ARHGAP20: variants seen among roughly 807,000 people sequenced by gnomAD.
ARHGAP20 encodes the protein rho GTPase-activating protein 20.
In ARHGAP20, 34 loss-of-function variants were observed where a neutral mutation model predicts 73.7. That is an observed-to-expected ratio of 0.46 (90% confidence interval 0.35 to 0.61). ARHGAP20 has a LOEUF of 0.61. Among genes scored for constraint, ARHGAP20 ranks in the 20% least tolerant of loss-of-function variants. The probability of loss-of-function intolerance (pLI) is 0.00; values close to 1 mark genes in which losing one functional copy is unlikely to be tolerated. For missense variants in ARHGAP20, 1,314 were observed against 1,420.9 expected, an observed-to-expected ratio of 0.92 and a Z score of 1.21; for synonymous variants, 523 against 518.2, an observed-to-expected ratio of 1.01 and a Z score of -0.13.
chr11:110,614,752 A>G, intron 5 of ARHGAP20, 107 bp from the exon 6 acceptor site: 2 of 713,284 alleles, frequency 2.8e-6, no homozygotes, highest in Non-Finnish European at 2.2e-6. Context: ...ATATACTTAT[A>G]TGCTATTTTT....
In ARHGAP20 at chr11:110,624,282, T is replaced by A; in HGVS notation, c.383A>T (p.Lys128Ile). 1 of 1,593,420 alleles carries A rather than the reference T, an allele frequency of 6.3e-7. No individual in the cohort carries two copies. The highest frequency in any genetic ancestry group is 8.5e-7 in the Non-Finnish European group (1 of 1,170,410). The part of the protein sequence containing the change: ...KYNNNFKIKN[K>I]IKLTDMWTAS... Reference sequence around the variant, plus strand: ...TGTCCACATATCAGTTAATTTAATTTTATTTTTTATCTTAAAGTTATTGTT... The same window carrying A: ...TGTCCACATATCAGTTAATTTAATTATATTTTTTATCTTAAAGTTATTGTT... The change falls in exon 4 of 15, where the codon AAA (lysine) becomes ATA (isoleucine). Residue 128 changes from lysine to isoleucine, a missense_variant. By Grantham distance (102) the Lys-to-Ile change is moderately radical. Coordinates refer to ENST00000683387, the MANE Select transcript of ARHGAP20 (RefSeq NM_001384657.1).
chr11:110,642,827 C>T (rs563505807), intron 2 of ARHGAP20, among the ~76,000 whole-genome samples: 6 of 152,184 alleles, frequency 3.9e-5, no homozygotes, highest in South Asian at 4.1e-4. Flanking sequence ...CCCTCCTCCT[C>T]GACTTTTTAG....
intron 13 of ARHGAP20, among the ~76,000 whole-genome samples, chr11:110,583,147 T>A (rs1165394072): frequency 1.3e-5 from 2 of 152,228 alleles, no homozygotes; most frequent in Non-Finnish European, 2.9e-5. Context: ...ACTACTGTAT[T>A]ATCACCGACT....
chr11:110,699,907 T>C (rs1418532265), intron 1 of ARHGAP20, among the ~76,000 whole-genome samples: 2 of 152,012 alleles, frequency 1.3e-5, no homozygotes, highest in African/African-American at 4.8e-5. Flanking sequence ...AAGGTAGTAA[T>C]ACAAGTGTGC....
chr11:110,584,591 T>C (rs1456289969), intron 12 of ARHGAP20, among the ~76,000 whole-genome samples: 2 of 152,102 alleles, frequency 1.3e-5, no homozygotes, highest in Non-Finnish European at 2.9e-5. Context: ...TTACTGGGTG[T>C]ATTCAATGGA....
At chr11:110,646,183 T>C (rs758541287) in intron 2 of ARHGAP20, among the ~76,000 whole-genome samples, 7 of 152,178 alleles carry the variant, frequency 4.6e-5, no homozygotes, top group Non-Finnish European at 7.4e-5. Flanking sequence ...GTATTATACA[T>C]ACAAATTACA....
At chr11:110,691,734 C>T (rs534311244) in intron 1 of ARHGAP20, among the ~76,000 whole-genome samples, 23 of 152,206 alleles carry the variant, frequency 1.5e-4, no homozygotes, top group African/African-American at 5.3e-4. Flanking sequence ...GGGATCTCTC[C>T]CAAATTATTG....
rs1947335559 is a variant in ARHGAP20 at position 110,578,068 on chromosome 11, C to G, written c.*1302G>C. 1.0e-6 allele frequency: 1 copy of G among 985,278 alleles called. No individual in the cohort carries two copies. Among genetic ancestry groups the G allele is most frequent in the Non-Finnish European group, 1.2e-6 (1 of 829,944 alleles). 61.0% of individuals were successfully genotyped at this position (985,278 alleles called of 1,614,324 possible). A position where few individuals can be genotyped will look rare whatever the true frequency, so the allele number is the denominator to read the frequency against. On this transcript the variant is annotated 3_prime_UTR_variant, in exon 15 of 15. Coordinates refer to ENST00000683387, the MANE Select transcript of ARHGAP20 (RefSeq NM_001384657.1). ...TGCACATCCATTTTTAGTGCCATCCCTGCATACTAGTTGGCAAGGCCTGAT... is the reference window on the plus strand; with the variant it reads ...TGCACATCCATTTTTAGTGCCATCCGTGCATACTAGTTGGCAAGGCCTGAT...
intron 6 of ARHGAP20, among the ~76,000 whole-genome samples, chr11:110,613,115 C>A (rs1415051702): frequency 6.6e-6 from 1 of 152,184 alleles, no homozygotes; most frequent in Non-Finnish European, 1.5e-5. Flanking sequence ...TAATACTAGG[C>A]ACATATGTTC....
chr11:110,592,158 A>G lies in ARHGAP20; in HGVS notation c.965-3T>C, dbSNP rs1041568764. The G allele has an allele frequency of 1.5e-5, 24 of 1,609,084 alleles. No individual in the cohort carries two copies. Among genetic ancestry groups the G allele is most frequent in the Non-Finnish European group, 2.0e-5 (23 of 1,176,898 alleles). ...TTTAAATGTCTTATGACCTGAATCT[A>G]AGGAAGAAGTGAGCTTATTAGAAAA... On this transcript the variant is annotated splice_region_variant and splice_polypyrimidine_tract_variant and intron_variant, in intron 9 of 14. Coordinates refer to ENST00000683387, the MANE Select transcript of ARHGAP20 (RefSeq NM_001384657.1).
intron 2 of ARHGAP20, among the ~76,000 whole-genome samples, chr11:110,665,867 T>C (rs987987734): frequency 2.0e-5 from 3 of 152,098 alleles, no homozygotes; most frequent in African/African-American, 4.8e-5. Context: ...ACCTAATGAA[T>C]ATAAGGCAAA....
At chr11:110,617,696 C>T (rs1948514262) in intron 4 of ARHGAP20, among the ~76,000 whole-genome samples, 1 of 152,138 alleles carries the variant, frequency 6.6e-6, no homozygotes, top group Non-Finnish European at 1.5e-5. Flanking sequence ...CCCTTTCCCC[C>T]CTGCTCTATA....
intron 1 of ARHGAP20, chr11:110,711,553 G>T: frequency 4.4e-6 from 6 of 1,373,790 alleles, no homozygotes; most frequent in Non-Finnish European, 5.7e-6. Flanking sequence ...GGTGTGGGGG[G>T]CAGTACTCCC....
chr11:110,708,408 A>G (rs755728372), intron 1 of ARHGAP20, among the ~76,000 whole-genome samples: 13 of 152,002 alleles, frequency 8.6e-5, no homozygotes, highest in Non-Finnish European at 1.3e-4. Flanking sequence ...TACTCCCCCA[A>G]AATGAAGTCC....
intron 1 of ARHGAP20, among the ~76,000 whole-genome samples, chr11:110,700,304 A>T (rs1950418570): frequency 6.6e-6 from 1 of 152,098 alleles, no homozygotes; most frequent in Non-Finnish European, 1.5e-5. Context: ...AAATAAGCAT[A>T]GTATTAAAAT....
intron 8 of ARHGAP20, among the ~76,000 whole-genome samples, chr11:110,607,764 C>T (rs1948267661): frequency 6.6e-6 from 1 of 152,186 alleles, no homozygotes; most frequent in African/African-American, 2.4e-5. Context: ...TTGCAGAACA[C>T]ATTAAAATAA....
rs569226599 is a variant in ARHGAP20, at chr11:110,687,994, T to C, written c.188+2553A>G. Among the ~76,000 whole-genome samples the C allele has an allele frequency of 2.0e-5, 3 of 152,326 alleles. No individual in the cohort carries two copies. In the South Asian group the frequency reaches 6.2e-4, roughly 32 times the overall value. On this transcript the variant is annotated intron_variant, in intron 2 of 14. Coordinates refer to ENST00000683387, the MANE Select transcript of ARHGAP20 (RefSeq NM_001384657.1). ...TTGACGTACAAGGTAGCTACATTTCTGAAAAATTTAGTATTCATTGAAATG... is the reference window on the plus strand; with the variant it reads ...TTGACGTACAAGGTAGCTACATTTCCGAAAAATTTAGTATTCATTGAAATG...
intron 2 of ARHGAP20, among the ~76,000 whole-genome samples, chr11:110,644,470 GGAACA>G (rs1374431359): frequency 6.6e-6 from 1 of 152,060 alleles, no homozygotes; most frequent in African/African-American, 2.4e-5. Flanking sequence ...AGAGACCAAT[GGAACA>G]GAATAGAGAG....
intron 6 of ARHGAP20, among the ~76,000 whole-genome samples, chr11:110,614,207 C>G (rs959645043): frequency 1.6e-4 from 25 of 152,166 alleles, no homozygotes; most frequent in African/African-American, 5.8e-4. Context: ...CTTGTGGAAA[C>G]AGCTTTACTA....
Sources: allele counts gnomAD v4.1 joint callset (sites outside exome capture counted in the v4.1 genomes callset), GRCh38; gene constraint gnomAD v4.1.1; transcripts MANE v1.5; gene names NCBI Gene and HGNC (gene_info 2026-07-23, HGNC 2026-07-21).